The following GARNL3 variants were observed in gnomAD, a reference collection of about 807,000 sequenced individuals.
The protein encoded by GARNL3 is GTPase-activating Rap/Ran-GAP domain-like protein 3.
Under a neutral mutation model 125.0 loss-of-function variants are expected in GARNL3, and 63 were observed. The ratio of observed to expected loss-of-function variants is 0.50; its 90% CI spans 0.41 to 0.62. The LOEUF (loss-of-function observed/expected upper bound fraction) is 0.62, where lower values mean the gene tolerates loss of function less well. Among genes scored for constraint, GARNL3 ranks in the 20% least tolerant of loss-of-function variants. The pLI, the probability that GARNL3 is intolerant of heterozygous loss-of-function variation, is 0.00. For missense variants in GARNL3, 994 were observed against 1,244.0 expected (o/e 0.80, Z 3.02); for synonymous variants, 439 against 457.5 (o/e 0.96, Z 0.52).
chr9:127,272,282 G>C (rs2063841319), intron 1 of GARNL3, among the ~76,000 whole-genome samples: 1 of 149,352 alleles, frequency 6.7e-6, no homozygotes, highest in African/African-American at 2.6e-5. Flanking sequence ...GGTTAAGTAG[G>C]GTTTTTACTT....
At position 127,332,276 on chromosome 9, in the gene GARNL3, C is replaced by T; in HGVS notation, c.597C>T (p.Gly199=). The T allele has an allele frequency of 6.2e-7, 1 of 1,611,402 alleles. No individual in the cohort carries two copies. The highest frequency in any genetic ancestry group is 8.5e-7 in the Non-Finnish European group (1 of 1,177,600). ...KDLLVLEEQE[G]SVNFKFGVLF... ...ACACCTTTTGTTATTATCCTAAGGG[C>T]TCTGTGAATTTCAAGTTTGGGGTTC... The change falls in exon 8 of 28, where the codon GGC becomes GGT. Residue 199 remains glycine (G), a splice_region_variant and synonymous_variant. Transcript: ENST00000373387.
In GARNL3 at chr9:127,275,819, A is replaced by C. The variant is rs186952859; in HGVS notation, c.144+10798A>C. 4.6e-5 allele frequency among the ~76,000 whole-genome samples: 7 copies of C among 152,352 alleles called. No individual in the cohort carries two copies. In the East Asian group the frequency reaches 1.4e-3, roughly 29 times the overall value. On this transcript the variant is annotated intron_variant, in intron 1 of 27. Coordinates refer to ENST00000373387, the MANE Select transcript of GARNL3 (RefSeq NM_032293.5). Reference sequence around the variant, plus strand: ...GTTACTTTGGGTTCTTTTATGTGCAAGAAAAGGATTGTATGCTTTTTGGCC... The same window carrying C: ...GTTACTTTGGGTTCTTTTATGTGCACGAAAAGGATTGTATGCTTTTTGGCC...
intron 1 of GARNL3, among the ~76,000 whole-genome samples, chr9:127,279,729 T>C (rs1367951956): frequency 6.6e-6 from 1 of 152,234 alleles, no homozygotes; most frequent in African/African-American, 2.4e-5. Flanking sequence ...GGATTATGTG[T>C]AGCATTTTTT....
In GARNL3 at chr9:127,342,892, C is replaced by CT. The variant is rs59554997; in HGVS notation, c.1251+579dup. ...ACTTCAGGTGCACATGTGCTCTTTT[C>CT]TTTTTTTTTTTTTTTTTTTTTGGAG... On this transcript the variant is annotated intron_variant, in intron 14 of 27. Transcript: ENST00000373387. Among the ~76,000 whole-genome samples, 245 of 81,582 alleles carry CT rather than the reference C, an allele frequency of 3.0e-3. 1 individual carries two copies. Among genetic ancestry groups the CT allele is most frequent in the African/African-American group, 7.4e-3 (184 of 24,716 alleles). The allele number at this position is 81,582 out of a possible 152,430, so 53.5% of individuals were successfully genotyped here. A position where few individuals can be genotyped will look rare whatever the true frequency, so the allele number is the denominator to read the frequency against.
chr9:127,305,558 T>TA (rs533548679), intron 2 of GARNL3, among the ~76,000 whole-genome samples: 3 of 151,824 alleles, frequency 2.0e-5, no homozygotes, highest in Non-Finnish European at 4.4e-5. Flanking sequence ...ACTTTTATTT[T>TA]AATTTTTTTT....
intron 2 of GARNL3, among the ~76,000 whole-genome samples, chr9:127,254,825 G>C (rs893251290): frequency 6.6e-6 from 1 of 151,766 alleles, no homozygotes; most frequent in Non-Finnish European, 1.5e-5. Context: ...TACAAAAAAG[G>C]AGGGGGACAA....
intron 22 of GARNL3, among the ~76,000 whole-genome samples, chr9:127,374,559 G>A (rs1052014229): frequency 1.3e-5 from 2 of 152,054 alleles, no homozygotes; most frequent in African/African-American, 2.4e-5. Context: ...ACAAGCAAAT[G>A]AAAAGGCAAG....
At chr9:127,339,146 A>T (rs890465334) in intron 12 of GARNL3, among the ~76,000 whole-genome samples, 1 of 151,942 alleles carries the variant, frequency 6.6e-6, no homozygotes, top group Non-Finnish European at 1.5e-5. Context: ...AAATACAAAA[A>T]ATTAGCCGGG....
intron 1 of GARNL3, among the ~76,000 whole-genome samples, chr9:127,241,708 C>A (rs751072599): frequency 5.9e-5 from 9 of 152,068 alleles, no homozygotes; most frequent in Non-Finnish European, 1.3e-4. Flanking sequence ...TGAATCCTTC[C>A]TGCATTAGGC....
At chr9:127,263,676 T>C (rs2063640558), upstream of GARNL3, 2 of 1,095,852 alleles carry the variant, frequency 1.8e-6, no homozygotes, top group Non-Finnish European at 2.2e-6. Context: ...GAAGCAAGAA[T>C]GTAGCCTGGG....
At position 127,339,886 on chromosome 9, in the gene GARNL3, G is replaced by A. The variant is rs117131241; in HGVS notation, c.1135+135G>A. 6.8e-3 allele frequency: 4,684 copies of A among 691,494 alleles called. 126 individuals are homozygous for A. The East Asian group carries it at 0.076, about 11-fold the overall frequency. 42.8% of individuals were successfully genotyped at this position (691,494 alleles called of 1,614,324 possible). A position where few individuals can be genotyped will look rare whatever the true frequency, so the allele number is the denominator to read the frequency against. On this transcript the variant is annotated intron_variant, in intron 13 of 27. Transcript: ENST00000373387. ...GTTCCGTTAATTCTTTGCACAACAT[G>A]TGTTTAGTATTCTGGTCATGTTGTG...
intron 17 of GARNL3, 156 bp from the exon 18 acceptor site, chr9:127,353,690 T>C: frequency 1.5e-6 from 1 of 680,570 alleles, no homozygotes; most frequent in South Asian, 1.6e-5. Flanking sequence ...GAATAGTGCT[T>C]GAATGTATTT....
chr9:127,360,385 C>T (rs1041730467), intron 21 of GARNL3, among the ~76,000 whole-genome samples: 22 of 152,154 alleles, frequency 1.4e-4, no homozygotes, highest in African/African-American at 4.6e-4. Flanking sequence ...AGAGGATCAG[C>T]GTGTACAGCC....
intron 2 of GARNL3, among the ~76,000 whole-genome samples, chr9:127,257,493 C>T (rs1011778896): frequency 1.3e-5 from 2 of 152,054 alleles, no homozygotes; most frequent in African/African-American, 4.8e-5. Context: ...TGATAGAGAT[C>T]GTTATTGAAA....
At chr9:127,314,208 G>A (rs543221351) in intron 4 of GARNL3, among the ~76,000 whole-genome samples, 5 of 152,284 alleles carry the variant, frequency 3.3e-5, no homozygotes, top group African/African-American at 7.2e-5. Flanking sequence ...GGGCACATCC[G>A]CTATGAGCTA....
At chr9:127,329,312 C>T (rs1488849051) in intron 7 of GARNL3, among the ~76,000 whole-genome samples, 1 of 152,210 alleles carries the variant, frequency 6.6e-6, no homozygotes, top group East Asian at 1.9e-4. Context: ...AGAGTAATTA[C>T]TAATAACATC....
At chr9:127,235,845 A>C (rs1252168612) in intron 1 of GARNL3, among the ~76,000 whole-genome samples, 1 of 152,196 alleles carries the variant, frequency 6.6e-6, no homozygotes, top group African/African-American at 2.4e-5. Flanking sequence ...AGAGGAGATG[A>C]TTGGAAACAA....
intron 1 of GARNL3, among the ~76,000 whole-genome samples, chr9:127,265,652 G>C (rs776939113): frequency 9.2e-5 from 14 of 152,170 alleles, no homozygotes; most frequent in Non-Finnish European, 1.9e-4. Flanking sequence ...ATTTTTTAAA[G>C]ATAGAATGTG....
upstream of GARNL3, chr9:127,264,678 A>T: frequency 8.3e-7 from 1 of 1,202,680 alleles, no homozygotes; most frequent in Middle Eastern, 3.2e-4. Context: ...GGAAATTTCA[A>T]TCGATTCCAA....
Sources: gnomAD v4.1 joint callset for allele counts (sites outside exome capture counted in the v4.1 genomes callset) on GRCh38, gnomAD v4.1.1 for gene constraint, MANE v1.5 for transcripts, NCBI Gene and HGNC (gene_info 2026-07-23, HGNC 2026-07-21) for gene names.